Variants in IQSEC2 observed in about 807,000 individuals in gnomAD.
IQSEC2 encodes the protein IQ motif and SEC7 domain-containing protein 2.
In IQSEC2, 6 loss-of-function variants were observed where a neutral mutation model predicts 74.6. The observed-to-expected ratio is 0.08, with a 90% CI of 0.04 to 0.16. The LOEUF (loss-of-function observed/expected upper bound fraction) is 0.16, where lower values mean the gene tolerates loss of function less well. IQSEC2 is among the 10% of genes least tolerant of loss of function. The probability of loss-of-function intolerance (pLI) is 1.00; values close to 1 mark genes in which losing one functional copy is unlikely to be tolerated. For missense variants in IQSEC2, 734 were observed against 1,306.2 expected, an observed-to-expected ratio of 0.56 and a Z score of 6.75; for synonymous variants, 494 against 544.5, an observed-to-expected ratio of 0.91 and a Z score of 1.29.
chrX:53,279,738 A>C (rs904349426), intron 2 of IQSEC2: 3 of 599,447 alleles, frequency 5.0e-6, no homozygotes, highest in Non-Finnish European at 8.4e-6. Context: ...CGATGGGGGC[A>C]AGAAGGTGAG....
intron 1 of IQSEC2, among the ~76,000 whole-genome samples, chrX:53,298,022 C>T (rs1029267661): frequency 1.8e-5 from 2 of 111,728 alleles, no homozygotes; most frequent in African/African-American, 3.3e-5. Flanking sequence ...CCCAGCTACT[C>T]GGGAGGCTGA....
Position 53,254,290 on chromosome X carries a change from A to G in IQSEC2, c.1401+240T>C, listed in dbSNP as rs191961350. The stretch of plus-strand genomic sequence containing the variant: ...GGTTACAGTGAGCCAAGATCGTGCC[A>G]TTGCACTCCAGCCTGGGTGTCGAGA... On this transcript the variant is annotated intron_variant, in intron 4 of 14. Coordinates refer to ENST00000642864, the MANE Select transcript of IQSEC2 (RefSeq NM_001111125.3). 4.0e-3 allele frequency among the ~76,000 whole-genome samples: 419 copies of G among 104,242 alleles called. 4 individuals carry two copies. Among genetic ancestry groups the G allele is most frequent in the African/African-American group, 0.014 (406 of 28,186 alleles). The allele number at this position is 104,242 out of a possible 115,157, so 90.5% of individuals were successfully genotyped here. A position where few individuals can be genotyped will look rare whatever the true frequency, so the allele number is the denominator to read the frequency against.
At chrX:53,258,036 A>G (rs1226492605) in intron 2 of IQSEC2, among the ~76,000 whole-genome samples, 2 of 111,257 alleles carry the variant, frequency 1.8e-5, no homozygotes, top group East Asian at 5.6e-4. Flanking sequence ...AGCCTGGCCC[A>G]CATCCTGCTT....
At position 53,295,429 on chromosome X, in the gene IQSEC2, C is replaced by T. The variant is rs190275195; in HGVS notation, c.708-3505G>A. Among the ~76,000 whole-genome samples the T allele has an allele frequency of 9.0e-3, 970 of 108,040 alleles. 10 individuals carry two copies. The highest frequency in any genetic ancestry group is 0.014 in the Non-Finnish European group (745 of 52,173). 93.8% of individuals were successfully genotyped at this position (108,040 alleles called of 115,157 possible). ...ACCATCATGGCTAACTCGGTGAAAC[C>T]CCATCTCTACTAAAAATACAAAAAA... On this transcript the variant is annotated intron_variant, in intron 1 of 14. Coordinates refer to ENST00000642864, the MANE Select transcript of IQSEC2 (RefSeq NM_001111125.3).
chrX:53,232,166 A>AC (rs2074067606), downstream of IQSEC2, among the ~76,000 whole-genome samples: 1 of 111,647 alleles, frequency 9.0e-6, no homozygotes. Flanking sequence ...AAGTCAGGAA[A>AC]CCCCATCCTG....
chrX:53,285,744 C>G (rs1056370211), intron 2 of IQSEC2, among the ~76,000 whole-genome samples: 2 of 112,428 alleles, frequency 1.8e-5, no homozygotes, highest in African/African-American at 3.2e-5. Context: ...AATAACAGCA[C>G]CTGCTGTGTG....
chrX:53,248,971 A>G, intron 5 of IQSEC2, 89 bp from the exon 6 acceptor site: 1 of 943,665 alleles, frequency 1.1e-6, no homozygotes, highest in Non-Finnish European at 1.5e-6. Flanking sequence ...GGGCCCAACT[A>G]AGTCCGGCCT....
intron 2 of IQSEC2, among the ~76,000 whole-genome samples, chrX:53,258,528 T>A (rs2147141585): frequency 9.0e-6 from 1 of 111,619 alleles, no homozygotes; most frequent in South Asian, 3.8e-4. Flanking sequence ...TTCCAACCCA[T>A]TCTTCACCCT....
chrX:53,231,297 G>C (rs1172724430), downstream of IQSEC2: 3 of 111,006 alleles, frequency 2.7e-5, no homozygotes, highest in East Asian at 5.7e-4. Context: ...AGGGATGTTG[G>C]GGGGAGTATT....
intron 10 of IQSEC2, 120 bp downstream of exon 10, chrX:53,241,664 G>T: frequency 9.9e-7 from 1 of 1,011,859 alleles, no homozygotes; most frequent in Non-Finnish European, 1.4e-6. Flanking sequence ...CAGATGGCAT[G>T]GCAGAACACC....
intron 2 of IQSEC2, chrX:53,279,448 G>T: frequency 2.1e-6 from 1 of 481,496 alleles, no homozygotes; most frequent in Non-Finnish European, 3.7e-6. Flanking sequence ...TCATACACTC[G>T]GACACCCATT....
chrX:53,304,313 A>G (rs2075240066), intron 1 of IQSEC2, among the ~76,000 whole-genome samples: 1 of 112,104 alleles, frequency 8.9e-6, no homozygotes, highest in South Asian at 3.7e-4. Flanking sequence ...AGGACAAATC[A>G]GAAAGCTTGT....
chrX:53,303,574 G>A (rs1187456538), intron 1 of IQSEC2, among the ~76,000 whole-genome samples: 1 of 111,179 alleles, frequency 9.0e-6, no homozygotes, highest in East Asian at 2.8e-4. Context: ...GCCAAGGCGG[G>A]TGAATTGCCT....
At position 53,253,290 on chromosome X, in the gene IQSEC2, C is replaced by G. The variant is rs190264995; in HGVS notation, c.1401+1240G>C. Among the ~76,000 whole-genome samples, 20 of 112,393 alleles carry G rather than the reference C, an allele frequency of 1.8e-4. No individual in the cohort carries two copies. In the East Asian group the frequency reaches 5.3e-3, roughly 30 times the overall value. On this transcript the variant is annotated intron_variant, in intron 4 of 14. Coordinates refer to ENST00000642864, the MANE Select transcript of IQSEC2 (RefSeq NM_001111125.3). ...TACCTGTATAGTTGCACCGAGTCTTCCAAACAGCTCTAAAAGGGTTTTCTC... is the reference window on the plus strand; with the variant it reads ...TACCTGTATAGTTGCACCGAGTCTTGCAAACAGCTCTAAAAGGGTTTTCTC...
At chrX:53,292,408 C>G (rs371444960) in intron 1 of IQSEC2, among the ~76,000 whole-genome samples, 2 of 112,032 alleles carry the variant, frequency 1.8e-5, no homozygotes, top group Non-Finnish European at 3.8e-5. Context: ...GTTTGTGACA[C>G]GAGGCCGATC....
At chrX:53,286,952 A>AAAAAAAAG (rs1388434168) in intron 2 of IQSEC2, among the ~76,000 whole-genome samples, 2 of 96,372 alleles carry the variant, frequency 2.1e-5, no homozygotes, top group African/African-American at 1.0e-4. Flanking sequence ...AAAAAAAAAA[A>AAAAAAAAG]AAAAAGAAAA....
At chrX:53,267,104 G>C in intron 2 of IQSEC2, 1 of 1,134,311 alleles carries the variant, frequency 8.8e-7, no homozygotes, top group South Asian at 2.1e-5. Flanking sequence ...ACAGGCGGTG[G>C]GTGACAGAGA....
At chrX:53,231,596 G>T (rs1556858404), downstream of IQSEC2, 2 of 111,970 alleles carry the variant, frequency 1.8e-5, no homozygotes, top group East Asian at 5.6e-4. Flanking sequence ...GAAGGGCTAG[G>T]TGACTTGCCA....
At chrX:53,243,964 A>G (rs1054451005) in intron 8 of IQSEC2, among the ~76,000 whole-genome samples, 15 of 111,531 alleles carry the variant, frequency 1.3e-4, no homozygotes, top group Middle Eastern at 4.6e-3. Context: ...TCACGCCTGT[A>G]CTCCCAGCAC....
Sources: gnomAD v4.1 joint callset for allele counts (sites outside exome capture counted in the v4.1 genomes callset) on GRCh38, gnomAD v4.1.1 for gene constraint, MANE v1.5 for transcripts, NCBI Gene and HGNC (gene_info 2026-07-23, HGNC 2026-07-21) for gene names.